VPS28: variants seen among roughly 807,000 people sequenced by gnomAD.
The protein encoded by VPS28 is VPS28 subunit of ESCRT-I.
In VPS28, 29 loss-of-function variants were observed where a neutral mutation model predicts 33.7. That is an observed-to-expected ratio of 0.86 (90% CI 0.64 to 1.17). VPS28 has a LOEUF of 1.17. Among genes scored for constraint, VPS28 ranks in the 50% most tolerant of loss-of-function variants. The probability of loss-of-function intolerance (pLI) is 0.00; values close to 1 mark genes in which losing one functional copy is unlikely to be tolerated. For synonymous variants in VPS28, 164 were observed against 116.7 expected, an observed-to-expected ratio of 1.40 and a Z score of -2.61; for missense variants, 247 against 312.2, an observed-to-expected ratio of 0.79 and a Z score of 1.57.
rs894851641 is a variant in VPS28, at chr8:144,423,732, T to C, written c.*73A>G. ...GTGAGTTGTGTGGATGACCACGGCC[T>C]GTGTGGCGGACAGGGGACCAGGAGC... On this transcript the variant is annotated 3_prime_UTR_variant, in exon 10 of 10. Transcript: ENST00000292510. The C allele has an allele frequency of 4.4e-6, 7 of 1,583,370 alleles. No individual in the cohort carries two copies. The Admixed American group carries it at 6.8e-5, about 15-fold the overall frequency.
chr8:144,424,865 C>T (rs1390557010), intron 6 of VPS28, 46 bp from the exon 7 acceptor site: 2 of 1,612,718 alleles, frequency 1.2e-6, no homozygotes, highest in African/African-American at 2.7e-5. Flanking sequence ...ACAGCAAGCC[C>T]CAGGTGGCCA....
intron 2 of VPS28, 126 bp from the exon 3 acceptor site, chr8:144,426,334 G>A (rs1322889190): frequency 1.5e-6 from 2 of 1,304,932 alleles, no homozygotes; most frequent in African/African-American, 1.5e-5. Context: ...AGCCCAGAGG[G>A]AGCTGGAGCA....
intron 9 of VPS28, 25 bp downstream of exon 9, chr8:144,424,016 C>A (rs143124961): frequency 5.4e-5 from 86 of 1,598,722 alleles, no homozygotes; most frequent in Non-Finnish European, 5.5e-5. Context: ...CTGCGGGGCT[C>A]TGCCTGGCTG....
intron 7 of VPS28, 41 bp downstream of exon 7, chr8:144,424,677 C>T: frequency 6.2e-7 from 1 of 1,601,414 alleles, no homozygotes; most frequent in Non-Finnish European, 8.5e-7. Context: ...AGCAGGCAGC[C>T]TCGGCTCTCC....
rs1257500394 is a variant in VPS28 at position 144,426,908 on chromosome 8, C to T, written c.37+1G>A. The T allele has an allele frequency of 1.9e-6, 3 of 1,612,596 alleles. No homozygotes were observed. The highest frequency in any genetic ancestry group is 1.3e-5 in the African/African-American group (1 of 74,930). ...GCCTGCGCCCTTCCAGCCACACTCACCTCCTATGCCCGGCGTGGCTGGGAT... is the reference window on the plus strand; with the variant it reads ...GCCTGCGCCCTTCCAGCCACACTCATCTCCTATGCCCGGCGTGGCTGGGAT... On this transcript the variant is annotated splice_donor_variant, in intron 2 of 9. Transcript: ENST00000292510. LOFTEE classifies it high-confidence loss of function.
At chr8:144,424,443 T>A in intron 7 of VPS28, 175 bp from the exon 8 acceptor site, 1 of 918,316 alleles carries the variant, frequency 1.1e-6, no homozygotes. Context: ...CAGACAGCTG[T>A]GTGGGAACTG....
chr8:144,426,557 G>A (rs1554876836), intron 2 of VPS28: 1 of 434,224 alleles, frequency 2.3e-6, no homozygotes, highest in African/African-American at 2.1e-5. Flanking sequence ...CTCCCTGGCG[G>A]AGTCACCTGC....
At chr8:144,427,658 A>C (rs889071693) in intron 1 of VPS28, among the ~76,000 whole-genome samples, 1 of 152,122 alleles carries the variant, frequency 6.6e-6, no homozygotes, top group East Asian at 1.9e-4. Context: ...TTCTCGAAAG[A>C]GGGGGTCCTA....
At chr8:144,427,971 G>A (rs1822912234) in intron 1 of VPS28, among the ~76,000 whole-genome samples, 3 of 152,048 alleles carry the variant, frequency 2.0e-5, no homozygotes, top group Non-Finnish European at 4.4e-5. Flanking sequence ...AGGCCCGGGA[G>A]AGCAGCGCTG....
In VPS28 at chr8:144,426,911, C is replaced by T; in HGVS notation, c.35G>A (p.Gly12Glu). ...FHGIPATPGI[G>E]APGNKPELYE... is the part of the protein sequence containing the mutation. The stretch of plus-strand genomic sequence containing the variant: ...TGCGCCCTTCCAGCCACACTCACCT[C>T]CTATGCCCGGCGTGGCTGGGATCCC... The change falls in exon 2 of 10, where the codon GGA (glycine) becomes GAA (glutamate). Residue 12 changes from glycine (G) to glutamate (E), a missense_variant and splice_region_variant. By Grantham distance (98) the Gly-to-Glu change is moderately conservative. Coordinates refer to ENST00000292510, the MANE Select transcript of VPS28 (RefSeq NM_016208.4). The T allele has an allele frequency of 1.2e-6, 2 of 1,612,734 alleles. No homozygotes were observed. Among genetic ancestry groups the T allele is most frequent in the Non-Finnish European group, 1.7e-6 (2 of 1,179,816 alleles).
chr8:144,425,790 T>C lies in VPS28; in HGVS notation c.105-18A>G. On this transcript the variant is annotated intron_variant, in intron 4 of 9. Coordinates refer to ENST00000292510, the MANE Select transcript of VPS28 (RefSeq NM_016208.4). ...TGTCGTACCTGAGGACACACCTGTC[T>C]ATCGGGCCAGGCCCCGGGGTGCCAA... is the stretch of plus-strand genomic sequence containing the variant. 1 of 1,613,612 alleles carries C rather than the reference T, an allele frequency of 6.2e-7. No homozygotes were observed. Among genetic ancestry groups the C allele is most frequent in the Non-Finnish European group, 8.5e-7 (1 of 1,179,828 alleles).
intron 7 of VPS28, 106 bp downstream of exon 7, chr8:144,424,612 G>A: frequency 7.1e-6 from 9 of 1,273,296 alleles, no homozygotes; most frequent in Non-Finnish European, 1.0e-5. Context: ...TGCCCAGCAA[G>A]TCAGAGTGCT....
intron 1 of VPS28, 72 bp downstream of exon 1, chr8:144,428,417 A>T (rs894938799): frequency 3.9e-5 from 6 of 152,240 alleles, no homozygotes; most frequent in African/African-American, 1.2e-4. Flanking sequence ...AGGCGCGCCC[A>T]GAGGGTGCCA....
At chr8:144,424,474 A>T (rs1194636963) in intron 7 of VPS28, 8 of 802,124 alleles carry the variant, frequency 1.0e-5, no homozygotes, top group South Asian at 1.8e-5. Flanking sequence ...CCACACCCAC[A>T]CTCTCTCCCG....
intron 1 of VPS28, among the ~76,000 whole-genome samples, chr8:144,427,791 T>G (rs1822885994): frequency 6.6e-6 from 1 of 152,174 alleles, no homozygotes; most frequent in Non-Finnish European, 1.5e-5. Context: ...GTTCTCTCTT[T>G]GAAAGTGGAG....
intron 5 of VPS28, 110 bp downstream of exon 5, chr8:144,425,573 G>T: frequency 8.6e-7 from 1 of 1,168,484 alleles, no homozygotes; most frequent in Non-Finnish European, 1.2e-6. Context: ...CGCTGGGTGG[G>T]CCCCACACAA....
At chr8:144,427,112 C>T in intron 1 of VPS28, 133 bp from the exon 2 acceptor site, 1 of 564,520 alleles carries the variant, frequency 1.8e-6, no homozygotes, top group Non-Finnish European at 3.1e-6. Flanking sequence ...CCAGCCTGGC[C>T]AACATGGTGA....
chr8:144,427,021 G>A (rs540322290), intron 1 of VPS28, 42 bp from the exon 2 acceptor site: 51,689 of 1,465,758 alleles, frequency 0.035, 999 homozygotes, highest in Non-Finnish European at 0.039. Flanking sequence ...TGGCCCCTAA[G>A]CCAGGCGCTG....
Position 144,424,324 on chromosome 8 carries a change from G to T in VPS28, c.403-56C>A, listed in dbSNP as rs377372349. ...TGTCCACGGGTGCGGGAGGCCCCAC[G>T]GCTCACGGGCCCCAACCCCTCCTCA... On this transcript the variant is annotated intron_variant, in intron 7 of 9. Transcript: ENST00000292510. 3 of 1,533,758 alleles carry T rather than the reference G, an allele frequency of 2.0e-6. No homozygotes were observed. In the South Asian group the frequency reaches 3.8e-5, roughly 19 times the overall value.
Sources: gnomAD v4.1 joint callset for allele counts (sites outside exome capture counted in the v4.1 genomes callset) on GRCh38, gnomAD v4.1.1 for gene constraint, MANE v1.5 for transcripts, NCBI Gene and HGNC (gene_info 2026-07-23, HGNC 2026-07-21) for gene names.